The following KHDRBS2 variants were observed in gnomAD, a reference collection of about 807,000 sequenced individuals.
The protein encoded by KHDRBS2 is KH domain-containing, RNA-binding, signal transduction-associated protein 2.
KHDRBS2 carries 26 observed loss-of-function variants against 44.3 expected under a neutral mutation model. That is an observed-to-expected ratio of 0.59 (90% confidence interval 0.43 to 0.81). KHDRBS2 has a LOEUF of 0.81. KHDRBS2 is among the 40% of genes least tolerant of loss of function. The pLI, the probability that KHDRBS2 is intolerant of heterozygous loss-of-function variation, is 0.00. For synonymous variants in KHDRBS2, 194 were observed against 151.1 expected, an observed-to-expected ratio of 1.28 and a Z score of -2.08; for missense variants, 476 against 433.1, an observed-to-expected ratio of 1.10 and a Z score of -0.88.
chr6:61,625,464 T>C, the KHDRBS2 span, among the ~76,000 whole-genome samples: 1 of 151,576 alleles, frequency 6.6e-6, no homozygotes, highest in Admixed American at 6.6e-5. Context: ...AAATAGCTTC[T>C]AGTTGCTACA....
chr6:61,761,832 T>A (rs1318338879), intron 6 of KHDRBS2, among the ~76,000 whole-genome samples: 1 of 152,204 alleles, frequency 6.6e-6, no homozygotes, highest in Non-Finnish European at 1.5e-5. Flanking sequence ...TAAATTAGGA[T>A]GCCCTGACAC....
chr6:61,835,413 C>T (rs1173960840), intron 6 of KHDRBS2, among the ~76,000 whole-genome samples: 6 of 151,986 alleles, frequency 3.9e-5, no homozygotes, highest in Non-Finnish European at 7.4e-5. Context: ...GGATACAGCT[C>T]ATCAATCATA....
At chr6:61,677,677 G>A (rs1766021826), downstream of KHDRBS2, among the ~76,000 whole-genome samples, 1 of 151,844 alleles carries the variant, frequency 6.6e-6, no homozygotes, top group African/African-American at 2.4e-5. Flanking sequence ...ATTCAACACA[G>A]CACTTAGTGA....
intron 2 of KHDRBS2, among the ~76,000 whole-genome samples, chr6:62,083,727 T>C (rs766746568): frequency 6.6e-6 from 1 of 152,138 alleles, no homozygotes; most frequent in Non-Finnish European, 1.5e-5. Flanking sequence ...CTAACTCCTT[T>C]GCAAGTCCTG....
chr6:61,819,398 C>T (rs1182639049), intron 6 of KHDRBS2, among the ~76,000 whole-genome samples: 1 of 151,860 alleles, frequency 6.6e-6, no homozygotes, highest in Admixed American at 6.6e-5. Context: ...TTACTTTGTC[C>T]CTACTGTGAC....
intron 1 of KHDRBS2, among the ~76,000 whole-genome samples, chr6:62,234,913 C>G (rs1833458128): frequency 6.6e-6 from 1 of 151,798 alleles, no homozygotes; most frequent in Admixed American, 6.6e-5. Flanking sequence ...TCAAATAAAA[C>G]AAAATTTTGA....
intron 8 of KHDRBS2, among the ~76,000 whole-genome samples, chr6:61,686,981 C>T (rs1414396437): frequency 6.6e-6 from 1 of 151,510 alleles, no homozygotes; most frequent in Admixed American, 6.6e-5. Context: ...AGGTGCAAAT[C>T]CAAAGTGGAA....
At chr6:61,645,911 G>A in the KHDRBS2 span, among the ~76,000 whole-genome samples, 16 of 152,030 alleles carry the variant, frequency 1.1e-4, no homozygotes, top group African/African-American at 2.4e-4. Context: ...GTGGTATGGC[G>A]GCATCACTCA....
intron 6 of KHDRBS2, among the ~76,000 whole-genome samples, chr6:61,785,220 A>C (rs532994604): frequency 6.6e-6 from 1 of 152,000 alleles, no homozygotes; most frequent in Non-Finnish European, 1.5e-5. Context: ...AAGAGGGAAG[A>C]GTGCAAACAT....
the KHDRBS2 span, among the ~76,000 whole-genome samples, chr6:61,616,365 A>G: frequency 6.6e-6 from 1 of 151,984 alleles, no homozygotes; most frequent in African/African-American, 2.4e-5. Flanking sequence ...AGTTGAGGGT[A>G]AAATAATTGG....
rs191989734 is a variant in KHDRBS2 at position 62,273,359 on chromosome 6, C to T, written c.91+12499G>A. 2.1e-3 allele frequency among the ~76,000 whole-genome samples: 318 copies of T among 152,264 alleles called. 1 individual carries two copies. The highest frequency in any genetic ancestry group is 7.2e-3 in the African/African-American group (300 of 41,552). On this transcript the variant is annotated intron_variant, in intron 1 of 8. Transcript: ENST00000281156. ...CAGAAATAAGGGATTTTGTCCAACC[C>T]TTCTCTCAGTCTGTTCTTTGTTGCC...
At chr6:61,732,618 T>C (rs559407531) in intron 7 of KHDRBS2, 64 bp downstream of exon 7, 1 of 927,338 alleles carries the variant, frequency 1.1e-6, no homozygotes, top group African/African-American at 1.7e-5. Flanking sequence ...GACATTCAGA[T>C]TCAAGAAACA....
At chr6:61,625,859 G>C in the KHDRBS2 span, among the ~76,000 whole-genome samples, 1 of 152,156 alleles carries the variant, frequency 6.6e-6, no homozygotes, top group African/African-American at 2.4e-5. Context: ...TTAAAACTAA[G>C]CACTCTAATA....
chr6:61,874,095 A>T (rs1562347682), intron 6 of KHDRBS2, among the ~76,000 whole-genome samples: 1 of 152,142 alleles, frequency 6.6e-6, no homozygotes, highest in Non-Finnish European at 1.5e-5. Flanking sequence ...TGGGATTAAT[A>T]TATTTTTATT....
chr6:61,771,067 T>G (rs1164730804), intron 6 of KHDRBS2, among the ~76,000 whole-genome samples: 5 of 152,102 alleles, frequency 3.3e-5, no homozygotes, highest in Admixed American at 3.3e-4. Flanking sequence ...CAACCCAGAT[T>G]TTCATATCCA....
At chr6:62,037,231 T>G (rs1258209253) in intron 3 of KHDRBS2, among the ~76,000 whole-genome samples, 1 of 151,792 alleles carries the variant, frequency 6.6e-6, no homozygotes, top group Non-Finnish European at 1.5e-5. Flanking sequence ...TCAGCAAAGG[T>G]AGGATATGTC....
intron 4 of KHDRBS2, among the ~76,000 whole-genome samples, chr6:61,926,377 C>CA (rs1289835385): frequency 6.6e-6 from 1 of 152,092 alleles, no homozygotes; most frequent in Non-Finnish European, 1.5e-5. Flanking sequence ...GAAACCTCTG[C>CA]AGGCAAACGG....
intron 6 of KHDRBS2, among the ~76,000 whole-genome samples, chr6:61,861,571 A>G (rs1297468671): frequency 6.7e-6 from 1 of 150,006 alleles, no homozygotes. Flanking sequence ...CCATTGGTCT[A>G]TGTGTCTTTT....
At chr6:61,983,347 A>G (rs1039121255) in intron 3 of KHDRBS2, among the ~76,000 whole-genome samples, 5 of 150,176 alleles carry the variant, frequency 3.3e-5, no homozygotes, top group African/African-American at 4.9e-5. Flanking sequence ...GAGTGCTGGG[A>G]TTATAAGCGT....
Sources: allele counts gnomAD v4.1 joint callset (sites outside exome capture counted in the v4.1 genomes callset), GRCh38; gene constraint gnomAD v4.1.1; transcripts MANE v1.5; gene names NCBI Gene and HGNC (gene_info 2026-07-23, HGNC 2026-07-21).